The following LDHB variants were observed in gnomAD, a reference collection of about 807,000 sequenced individuals.
LDHB encodes lactate dehydrogenase B.
Under a neutral mutation model 33.4 loss-of-function variants are expected in LDHB, and 18 were observed. The ratio of observed to expected loss-of-function variants is 0.54; its 90% CI spans 0.37 to 0.80. The LOEUF (loss-of-function observed/expected upper bound fraction) is 0.80. LDHB is among the 30% of genes least tolerant of loss of function. The probability of loss-of-function intolerance (pLI) is 0.00; values close to 1 mark genes in which losing one functional copy is unlikely to be tolerated. For missense variants in LDHB, 345 were observed against 407.9 expected, an observed-to-expected ratio of 0.85 and a Z score of 1.33; for synonymous variants, 121 against 140.6, an observed-to-expected ratio of 0.86 and a Z score of 0.98.
chr12:21,637,333 T>G, intron 6 of LDHB, 139 bp from the exon 7 acceptor site: 1 of 673,786 alleles, frequency 1.5e-6, no homozygotes, highest in East Asian at 2.7e-5. Context: ...GTTCCCTTTT[T>G]GAGTGTTAAA....
Position 21,647,016 on chromosome 12 carries a change from A to T in LDHB, c.130T>A (p.Ser44Thr), listed in dbSNP as rs996104914. The T allele has an allele frequency of 5.6e-6, 9 of 1,604,458 alleles. No individual in the cohort carries two copies. The highest frequency in any genetic ancestry group is 7.7e-6 in the Non-Finnish European group (9 of 1,171,638). Residue 44 changes from serine to threonine, a missense_variant and splice_region_variant, in exon 3 of 8, where the codon TCT becomes ACT. By Grantham distance (58) the Ser-to-Thr change is moderately conservative. Transcript: ENST00000350669. ...ACAAGAGCAAGTTCATCAGCCAGAGACTGTAAACGCAAAAACAGGCATTAG... is the reference window on the plus strand; with the variant it reads ...ACAAGAGCAAGTTCATCAGCCAGAGTCTGTAAACGCAAAAACAGGCATTAG... The part of the protein sequence containing the change: ...MACAISILGK[S>T]LADELALVDV...
intron 2 of LDHB, among the ~76,000 whole-genome samples, chr12:21,647,686 C>A (rs914362975): frequency 6.6e-6 from 1 of 152,010 alleles, no homozygotes; most frequent in Non-Finnish European, 1.5e-5. Flanking sequence ...GATCTGGAGT[C>A]ATATTTTTTT....
intron 2 of LDHB, among the ~76,000 whole-genome samples, chr12:21,652,060 C>G (rs1938703999): frequency 6.6e-6 from 1 of 151,942 alleles, no homozygotes; most frequent in Non-Finnish European, 1.5e-5. Flanking sequence ...TAACTCCAGG[C>G]ACAGTCTCAA....
Position 21,635,358 on chromosome 12 carries a change from A to G in LDHB, c.*184T>C. 9.7e-6 allele frequency: 6 copies of G among 615,926 alleles called. 1 individual carries two copies. In the South Asian group the frequency reaches 1.2e-4, roughly 12 times the overall value. 38.2% of individuals were successfully genotyped at this position (615,926 alleles called of 1,614,324 possible). ...AAACAGAAGCACACTACAATAGTTAATTTTATTTGTTCAAGAGCTCAGATT... is the reference window on the plus strand; with the variant it reads ...AAACAGAAGCACACTACAATAGTTAGTTTTATTTGTTCAAGAGCTCAGATT... On this transcript the variant is annotated 3_prime_UTR_variant, in exon 8 of 8. Transcript: ENST00000350669.
intron 1 of LDHB, 119 bp downstream of exon 1, chr12:21,657,632 G>A (rs11833048): frequency 3.6e-4 from 55 of 152,540 alleles, no homozygotes; most frequent in African/African-American, 1.3e-3. Flanking sequence ...AGAGCTAAAG[G>A]CCGCGGAGGA....
At position 21,635,568 on chromosome 12, in the gene LDHB, T is replaced by A; in HGVS notation, c.979A>T (p.Ile327Phe). 6.2e-7 allele frequency: 1 copy of A among 1,612,450 alleles called. No homozygotes were observed. Among genetic ancestry groups the A allele is most frequent in the South Asian group, 1.1e-5 (1 of 91,008 alleles). Residue 327 changes from isoleucine (I) to phenylalanine (F), a missense_variant, in exon 8 of 8, where the codon ATC becomes TTC. Physicochemically the swap from Ile to Phe is conservative, Grantham distance 21. Transcript: ENST00000350669. ...CACAGGTCTTTTAGGTCCTTCTGGA[T>A]GTCCCACAGGGTATCTGCACTTTTC... ...LKKSADTLWD[I>F]QKDLKDL
intron 6 of LDHB, 49 bp from the exon 7 acceptor site, chr12:21,637,243 T>C: frequency 6.9e-7 from 1 of 1,446,500 alleles, no homozygotes; most frequent in South Asian, 1.1e-5. Context: ...CAATCATTAT[T>C]GAAACCAGAC....
intron 5 of LDHB, among the ~76,000 whole-genome samples, chr12:21,641,710 G>A (rs544625604): frequency 2.0e-5 from 3 of 152,192 alleles, no homozygotes; most frequent in East Asian, 1.9e-4. Flanking sequence ...AGAACTTAAG[G>A]AGAAAAAGGT....
chr12:21,637,515 A>G (rs543698246), intron 6 of LDHB: 1 of 243,924 alleles, frequency 4.1e-6, no homozygotes, highest in South Asian at 6.1e-5. Flanking sequence ...TTCCAAACAC[A>G]TAAAATCAGG....
At chr12:21,645,271 G>C (rs1257062157) in intron 3 of LDHB, among the ~76,000 whole-genome samples, 2 of 152,064 alleles carry the variant, frequency 1.3e-5, no homozygotes, top group African/African-American at 2.4e-5. Context: ...AGGAAAGCCA[G>C]GTATTGTCCA....
At chr12:21,656,490 T>A (rs1303815159) in intron 1 of LDHB, among the ~76,000 whole-genome samples, 3 of 152,218 alleles carry the variant, frequency 2.0e-5, no homozygotes, top group African/African-American at 4.8e-5. Context: ...AAGTTTATTG[T>A]TGTTAGATGG....
intron 5 of LDHB, 70 bp downstream of exon 5, chr12:21,641,882 G>T: frequency 7.5e-7 from 1 of 1,325,434 alleles, no homozygotes; most frequent in South Asian, 1.3e-5. Flanking sequence ...AATAAAATTT[G>T]AAATAAAATG....
intron 2 of LDHB, among the ~76,000 whole-genome samples, chr12:21,648,403 G>C (rs1423489634): frequency 1.3e-5 from 2 of 151,810 alleles, no homozygotes; most frequent in African/African-American, 2.4e-5. Context: ...CGCATCCCCT[G>C]AATACTGTAT....
intron 7 of LDHB, among the ~76,000 whole-genome samples, chr12:21,636,235 TA>T (rs1488033779): frequency 6.6e-6 from 1 of 151,946 alleles, no homozygotes; most frequent in Non-Finnish European, 1.5e-5. Flanking sequence ...TTAAGTTGCT[TA>T]AAGACTTTTA....
At chr12:21,653,719 T>C (rs369515872) in intron 2 of LDHB, among the ~76,000 whole-genome samples, 17 of 152,278 alleles carry the variant, frequency 1.1e-4, no homozygotes, top group African/African-American at 3.8e-4. Context: ...AATTGGTAAA[T>C]GTAGGTGAAT....
intron 6 of LDHB, among the ~76,000 whole-genome samples, chr12:21,637,929 A>G (rs1215373784): frequency 6.6e-6 from 1 of 152,038 alleles, no homozygotes; most frequent in Non-Finnish European, 1.5e-5. Flanking sequence ...ATTGAACAAA[A>G]TGATTCTATA....
intron 6 of LDHB, 136 bp from the exon 7 acceptor site, chr12:21,637,330 T>G: frequency 1.5e-6 from 1 of 679,330 alleles, no homozygotes; most frequent in Non-Finnish European, 2.6e-6. Flanking sequence ...AGTGTTCCCT[T>G]TTTGAGTGTT....
intron 5 of LDHB, among the ~76,000 whole-genome samples, chr12:21,638,881 C>T (rs1938287668): frequency 6.6e-6 from 1 of 151,702 alleles, no homozygotes. Context: ...GAAAAAAAAT[C>T]CTAGAATAAG....
intron 5 of LDHB, among the ~76,000 whole-genome samples, chr12:21,639,927 C>G (rs1024065535): frequency 5.9e-5 from 9 of 151,904 alleles, no homozygotes; most frequent in Admixed American, 6.6e-5. Context: ...AATTATGCTA[C>G]AACTTCAAGA....
Sources: gnomAD v4.1 joint callset for allele counts (sites outside exome capture counted in the v4.1 genomes callset) on GRCh38, gnomAD v4.1.1 for gene constraint, MANE v1.5 for transcripts, NCBI Gene and HGNC (gene_info 2026-07-23, HGNC 2026-07-21) for gene names.